Variants in ATAD2B observed in about 807,000 individuals in gnomAD.
The protein encoded by ATAD2B is ATPase family AAA domain-containing protein 2B.
Under a neutral mutation model 167.6 loss-of-function variants are expected in ATAD2B, and 40 were observed. That is an observed-to-expected ratio of 0.24 (90% CI 0.19 to 0.31). The LOEUF (loss-of-function observed/expected upper bound fraction) is 0.31. Ranked by LOEUF, ATAD2B falls within the 10% of genes least tolerant of loss-of-function variation. The probability of loss-of-function intolerance (pLI) is 1.00; values close to 1 mark genes in which losing one functional copy is unlikely to be tolerated. For missense variants in ATAD2B, 1,242 were observed against 1,757.2 expected (o/e 0.71, Z 5.24); for synonymous variants, 579 against 596.5 (o/e 0.97, Z 0.43).
At chr2:23,780,151 G>A (rs1679776920) in intron 22 of ATAD2B, among the ~76,000 whole-genome samples, 2 of 151,982 alleles carry the variant, frequency 1.3e-5, no homozygotes, top group South Asian at 4.1e-4. Flanking sequence ...AGGAGGCTAG[G>A]GTGGGAGGAT....
the ATAD2B span, among the ~76,000 whole-genome samples, chr2:23,736,229 C>A: frequency 6.6e-6 from 1 of 151,918 alleles, no homozygotes; most frequent in Non-Finnish European, 1.5e-5. Flanking sequence ...ATAAAGGAAC[C>A]CCCCCCATTG....
At chr2:23,713,346 AT>A in the ATAD2B span, among the ~76,000 whole-genome samples, 5 of 151,586 alleles carry the variant, frequency 3.3e-5, no homozygotes, top group South Asian at 1.0e-3. Flanking sequence ...CCACTGCCTT[AT>A]TTTTAAACCC....
intron 2 of ATAD2B, among the ~76,000 whole-genome samples, chr2:23,893,461 CA>C (rs1699789168): frequency 6.6e-6 from 1 of 151,950 alleles, no homozygotes; most frequent in Non-Finnish European, 1.5e-5. Context: ...TACAAGCCTT[CA>C]AGTAATTCTT....
intron 14 of ATAD2B, among the ~76,000 whole-genome samples, chr2:23,833,467 T>TA (rs1211670270): frequency 3.2e-4 from 48 of 152,182 alleles, no homozygotes; most frequent in Middle Eastern, 3.2e-3. Context: ...TACATTCTTT[T>TA]AAAAAAACTT....
At chr2:23,776,109 C>T (rs1272627301) in intron 22 of ATAD2B, among the ~76,000 whole-genome samples, 5 of 152,002 alleles carry the variant, frequency 3.3e-5, no homozygotes, top group Admixed American at 1.3e-4. Context: ...AGCAAGACTC[C>T]GTCTCAAAAA....
intron 6 of ATAD2B, among the ~76,000 whole-genome samples, chr2:23,881,272 G>A (rs1421326947): frequency 6.6e-6 from 1 of 151,738 alleles, no homozygotes; most frequent in Non-Finnish European, 1.5e-5. Context: ...CATTTTGGTA[G>A]CAAAGTGCAC....
chr2:23,779,592 G>A (rs1679687554), intron 22 of ATAD2B, among the ~76,000 whole-genome samples: 1 of 151,868 alleles, frequency 6.6e-6, no homozygotes, highest in South Asian at 2.1e-4. Context: ...TTATTCTAAG[G>A]AAATAATTAA....
the ATAD2B span, chr2:23,696,454 T>C: frequency 1.3e-6 from 2 of 1,550,404 alleles, no homozygotes; most frequent in Non-Finnish European, 1.7e-6. The surrounding 1 kb of genome is among the most constrained non-coding windows in gnomAD (Gnocchi z 5.5). Flanking sequence ...TCGTCTACGA[T>C]GGGAAGATTT....
At chr2:23,877,369 C>T (rs1031803685) in intron 7 of ATAD2B, among the ~76,000 whole-genome samples, 3 of 151,340 alleles carry the variant, frequency 2.0e-5, no homozygotes, top group Admixed American at 2.0e-4. Context: ...TGGCATGCGC[C>T]TGTAATCCCA....
intron 18 of ATAD2B, among the ~76,000 whole-genome samples, chr2:23,808,068 A>AAGTAATTATATATATAATTAT (rs1553398208): frequency 0.083 from 5,042 of 60,996 alleles, 253 homozygotes; most frequent in Non-Finnish European, 0.11. Context: ...TATAAATTAT[A>AAGTAATTATATATATAATTAT]ATATATAAGT....
chr2:23,678,504 T>G, the ATAD2B span, among the ~76,000 whole-genome samples: 2 of 152,206 alleles, frequency 1.3e-5, no homozygotes, highest in Admixed American at 1.3e-4. Flanking sequence ...AAATGAGTTG[T>G]CCCAGATGAG....
At chr2:23,840,373 C>T (rs72786278) in intron 13 of ATAD2B, among the ~76,000 whole-genome samples, 18,300 of 152,036 alleles carry the variant, frequency 0.12, 1,166 homozygotes, top group Middle Eastern at 0.21. Flanking sequence ...GCCAGAGGCT[C>T]GTCAGTTTTT....
intron 4 of ATAD2B, among the ~76,000 whole-genome samples, chr2:23,887,176 A>G (rs1227190810): frequency 6.6e-6 from 1 of 151,910 alleles, no homozygotes; most frequent in East Asian, 1.9e-4. Context: ...AGGCAGGAGA[A>G]TCATTTGAAC....
At chr2:23,765,675 A>G (rs1253456220) in intron 22 of ATAD2B, 47 bp from the exon 23 acceptor site, 2 of 1,175,968 alleles carry the variant, frequency 1.7e-6, no homozygotes, top group Non-Finnish European at 1.1e-6. Flanking sequence ...AAATAAAATA[A>G]CATTAACAAA....
intron 20 of ATAD2B, 119 bp downstream of exon 20, chr2:23,788,393 A>G (rs1043107679): frequency 2.6e-6 from 3 of 1,144,550 alleles, no homozygotes; most frequent in African/African-American, 1.6e-5. Context: ...CTAAAGATAA[A>G]CAGAACCTGA....
chr2:23,796,378 G>C (rs1682619663), intron 19 of ATAD2B, among the ~76,000 whole-genome samples: 1 of 152,130 alleles, frequency 6.6e-6, no homozygotes, highest in Non-Finnish European at 1.5e-5. Context: ...TATAAGTTAT[G>C]ACAACAGTAT....
the ATAD2B span, chr2:23,706,599 C>A: frequency 4.3e-5 from 66 of 1,537,074 alleles, no homozygotes; most frequent in Middle Eastern, 3.3e-4. Flanking sequence ...CCTCCTCCCC[C>A]ACATGCCCTG....
At chr2:23,888,114 G>T (rs2150292146) in intron 3 of ATAD2B, 129 bp from the exon 4 acceptor site, 1 of 776,662 alleles carries the variant, frequency 1.3e-6, no homozygotes, top group South Asian at 2.7e-5. Flanking sequence ...GGCTTTAATA[G>T]TCAATAATCT....
chr2:23,782,517 G>C (rs1229386700), intron 22 of ATAD2B, among the ~76,000 whole-genome samples: 1 of 152,110 alleles, frequency 6.6e-6, no homozygotes, highest in Non-Finnish European at 1.5e-5. Flanking sequence ...AGGATCTTTT[G>C]ACACATAAAC....
Sources: gnomAD v4.1 joint callset for allele counts (sites outside exome capture counted in the v4.1 genomes callset) on GRCh38, gnomAD v4.1.1 for gene constraint, Gnocchi (gnomAD v3.1) non-coding constraint, MANE v1.5 for transcripts, NCBI Gene and HGNC (gene_info 2026-07-23, HGNC 2026-07-21) for gene names.